Variants in SGCZ observed in about 807,000 individuals in gnomAD.
SGCZ encodes the protein sarcoglycan zeta.
A neutral mutation model predicts 41.3 loss-of-function variants in SGCZ; 40 were observed. That is an observed-to-expected ratio of 0.97 (90% confidence interval 0.75 to 1.26). SGCZ has a LOEUF of 1.26. SGCZ is among the 50% of genes most tolerant of loss of function. The pLI, the probability that SGCZ is intolerant of heterozygous loss-of-function variation, is 0.00. For missense variants in SGCZ, 552 were observed against 369.8 expected, an observed-to-expected ratio of 1.49 and a Z score of -4.04; for synonymous variants, 206 against 137.5, an observed-to-expected ratio of 1.50 and a Z score of -3.49.
chr8:14,465,282 AT>A (rs905171442), intron 2 of SGCZ, among the ~76,000 whole-genome samples: 55 of 151,658 alleles, frequency 3.6e-4, no homozygotes, highest in African/African-American at 1.3e-3. Context: ...GTTATTAAAT[AT>A]TTTTCCAGTA....
At chr8:14,586,403 A>G (rs1805058959) in intron 1 of SGCZ, among the ~76,000 whole-genome samples, 1 of 152,080 alleles carries the variant, frequency 6.6e-6, no homozygotes, top group Non-Finnish European at 1.5e-5. Context: ...TAATAGAGAC[A>G]GGGTTTTTCC....
rs796395555 is a variant in SGCZ, at chr8:14,715,118, A to G, written c.40-160192T>C. 2.4e-4 allele frequency among the ~76,000 whole-genome samples: 36 copies of G among 152,322 alleles called. 1 individual carries two copies. Among genetic ancestry groups the G allele is most frequent in the African/African-American group, 8.7e-4 (36 of 41,568 alleles). On this transcript the variant is annotated intron_variant, in intron 1 of 7. Transcript: ENST00000382080. ...GGAAAAGAACACTTGTCTACGATGC[A>G]TATTCATGGAAATCTGGAAAATAAG... is the stretch of plus-strand genomic sequence containing the variant.
rs914365935 is a variant in SGCZ, at chr8:14,995,694, G to A, written c.39+241891C>T. 1.5e-4 allele frequency among the ~76,000 whole-genome samples: 23 copies of A among 152,244 alleles called. No individual in the cohort carries two copies. In the Middle Eastern group the frequency reaches 0.01, roughly 68 times the overall value. ...TCCCTTATCCTTCCTTAAGTTCAGC[G>A]TCTTCACATGTAAAATAGCATAATA... On this transcript the variant is annotated intron_variant, in intron 1 of 7. Transcript: ENST00000382080.
At chr8:14,863,320 T>C (rs1181833710) in intron 1 of SGCZ, among the ~76,000 whole-genome samples, 1 of 152,118 alleles carries the variant, frequency 6.6e-6, no homozygotes, top group Non-Finnish European at 1.5e-5. Context: ...GATTTTTAAT[T>C]ACTATTATTA....
chr8:14,494,822 G>A (rs1476451685), intron 2 of SGCZ, among the ~76,000 whole-genome samples: 6 of 152,136 alleles, frequency 3.9e-5, no homozygotes, highest in Admixed American at 1.3e-4. Context: ...GTGGCTGTCT[G>A]ATAGACATAA....
chr8:14,277,169 GA>G (rs1800266069), intron 3 of SGCZ, among the ~76,000 whole-genome samples: 1 of 152,138 alleles, frequency 6.6e-6, no homozygotes, highest in African/African-American at 2.4e-5. Flanking sequence ...AAATTTCCCA[GA>G]ATGACACAAC....
chr8:14,235,755 G>A (rs568229691), intron 4 of SGCZ, among the ~76,000 whole-genome samples: 2 of 152,192 alleles, frequency 1.3e-5, no homozygotes, highest in Non-Finnish European at 2.9e-5. Context: ...CCCAATCTCG[G>A]CTCACTGCAA....
chr8:15,133,403 C>T (rs551232088), intron 1 of SGCZ, among the ~76,000 whole-genome samples: 18 of 152,272 alleles, frequency 1.2e-4, no homozygotes, highest in South Asian at 6.2e-4. Flanking sequence ...CTCCCTATCT[C>T]TACAGGTCAT....
chr8:14,705,303 G>A lies in SGCZ; in HGVS notation c.40-150377C>T, dbSNP rs555649499. Among the ~76,000 whole-genome samples the A allele has an allele frequency of 6.6e-5, 10 of 152,010 alleles. 1 individual carries two copies. The East Asian group carries it at 1.9e-3, about 29-fold the overall frequency. ...AAGGGTTTTTGTCTATTTGTTAACA[G>A]GATTATGAAGAACAGGCACTTTGAA... is the stretch of plus-strand genomic sequence containing the variant. On this transcript the variant is annotated intron_variant, in intron 1 of 7. Coordinates refer to ENST00000382080, the MANE Select transcript of SGCZ (RefSeq NM_139167.4).
At position 14,313,256 on chromosome 8, in the gene SGCZ, A is replaced by G. The variant is rs1585350720; in HGVS notation, c.336+10847T>C. ...TAATTGGTAGTAGGAACTATCCAAGATGTAGTAAAAGGTTTCTGTTACATA... is the reference window on the plus strand; with the variant it reads ...TAATTGGTAGTAGGAACTATCCAAGGTGTAGTAAAAGGTTTCTGTTACATA... On this transcript the variant is annotated intron_variant, in intron 3 of 7. Coordinates refer to ENST00000382080, the MANE Select transcript of SGCZ (RefSeq NM_139167.4). Among the ~76,000 whole-genome samples, 3 of 152,308 alleles carry G rather than the reference A, an allele frequency of 2.0e-5. No homozygotes were observed. The East Asian group carries it at 5.8e-4, about 29-fold the overall frequency.
chr8:14,578,398 C>T (rs1489986672), intron 1 of SGCZ, among the ~76,000 whole-genome samples: 1 of 152,204 alleles, frequency 6.6e-6, no homozygotes, highest in African/African-American at 2.4e-5. Context: ...TTCCTCACCC[C>T]TTTGCAAGTT....
chr8:15,087,409 A>G (rs976568237), intron 1 of SGCZ, among the ~76,000 whole-genome samples: 4 of 152,106 alleles, frequency 2.6e-5, no homozygotes, highest in African/African-American at 9.7e-5. Context: ...TATCCCTGCT[A>G]TAAAGACAGA....
At chr8:14,145,348 C>T (rs938512840) in intron 5 of SGCZ, among the ~76,000 whole-genome samples, 1 of 152,134 alleles carries the variant, frequency 6.6e-6, no homozygotes, top group African/African-American at 2.4e-5. Flanking sequence ...TACTAACAAC[C>T]CCTATGACTA....
At chr8:14,612,096 T>C (rs1333207252) in intron 1 of SGCZ, among the ~76,000 whole-genome samples, 2 of 152,242 alleles carry the variant, frequency 1.3e-5, no homozygotes, top group Non-Finnish European at 2.9e-5. Flanking sequence ...AAAACGTATG[T>C]CTTTCTATGC....
At chr8:14,549,895 G>A (rs1404286174) in intron 2 of SGCZ, among the ~76,000 whole-genome samples, 1 of 151,958 alleles carries the variant, frequency 6.6e-6, no homozygotes, top group Non-Finnish European at 1.5e-5. Flanking sequence ...GTTTAGATGG[G>A]AATTAATTGT....
At chr8:14,950,761 G>A (rs1341673634) in intron 1 of SGCZ, among the ~76,000 whole-genome samples, 1 of 151,972 alleles carries the variant, frequency 6.6e-6, no homozygotes, top group Non-Finnish European at 1.5e-5. Context: ...AATGCATGAG[G>A]ATACGTAGTC....
intron 1 of SGCZ, among the ~76,000 whole-genome samples, chr8:14,656,740 C>T (rs1807591459): frequency 6.6e-6 from 1 of 151,504 alleles, no homozygotes; most frequent in African/African-American, 2.4e-5. Context: ...ACAGCTTCAA[C>T]TGAAAGTTTG....
intron 1 of SGCZ, among the ~76,000 whole-genome samples, chr8:15,130,012 G>T (rs1807842337): frequency 1.3e-5 from 2 of 152,076 alleles, no homozygotes. Flanking sequence ...GTATGACTAA[G>T]TAGGCCAAAA....
chr8:14,377,501 T>A (rs1045514907), intron 2 of SGCZ, among the ~76,000 whole-genome samples: 1 of 152,038 alleles, frequency 6.6e-6, no homozygotes, highest in Non-Finnish European at 1.5e-5. Context: ...GATTTTTTTT[T>A]ATTATTTTTA....
Sources: gnomAD v4.1 joint callset for allele counts (sites outside exome capture counted in the v4.1 genomes callset) on GRCh38, gnomAD v4.1.1 for gene constraint, MANE v1.5 for transcripts, NCBI Gene and HGNC (gene_info 2026-07-23, HGNC 2026-07-21) for gene names.